ZCCHC7: variants seen among roughly 807,000 people sequenced by gnomAD.
ZCCHC7 encodes the protein zinc finger CCHC domain-containing protein 7.
A neutral mutation model predicts 52.0 loss-of-function variants in ZCCHC7; 35 were observed. The observed-to-expected ratio is 0.67, with a 90% CI of 0.51 to 0.89. ZCCHC7 has a LOEUF of 0.89. ZCCHC7 is among the 40% of genes least tolerant of loss of function. The pLI is 0.00. For missense variants in ZCCHC7, 574 were observed against 649.1 expected (o/e 0.88, Z 1.26); for synonymous variants, 217 against 221.5 (o/e 0.98, Z 0.18).
chr9:37,318,975 A>C (rs1829944563), intron 5 of ZCCHC7, among the ~76,000 whole-genome samples: 1 of 151,792 alleles, frequency 6.6e-6, no homozygotes. Flanking sequence ...AAAATATTCC[A>C]AAATATTTGC....
chr9:37,352,329 C>G (rs1821426085), intron 7 of ZCCHC7, among the ~76,000 whole-genome samples: 1 of 152,094 alleles, frequency 6.6e-6, no homozygotes, highest in African/African-American at 2.4e-5. Flanking sequence ...TGACATTGCC[C>G]TTCCCTAATT....
At chr9:37,267,671 G>A (rs1000313090) in intron 2 of ZCCHC7, among the ~76,000 whole-genome samples, 26 of 145,028 alleles carry the variant, frequency 1.8e-4, no homozygotes, top group African/African-American at 5.9e-4. Flanking sequence ...CCAGCTTCAC[G>A]CCAGTCTCCT....
intron 5 of ZCCHC7, chr9:37,326,274 T>G (rs1830235458): frequency 6.6e-6 from 1 of 152,140 alleles, no homozygotes; most frequent in South Asian, 2.1e-4. Flanking sequence ...ACAAAGTTTG[T>G]GGCTACATTT....
At chr9:37,229,176 A>G (rs1299726378) in intron 2 of ZCCHC7, among the ~76,000 whole-genome samples, 1 of 152,158 alleles carries the variant, frequency 6.6e-6, no homozygotes, top group Non-Finnish European at 1.5e-5. Context: ...TATTACATTG[A>G]TTAATGGCTC....
chr9:37,336,396 T>C (rs1830661500), intron 6 of ZCCHC7, among the ~76,000 whole-genome samples: 1 of 152,236 alleles, frequency 6.6e-6, no homozygotes, highest in East Asian at 1.9e-4. Context: ...CAAAAGAACA[T>C]TACTTCCCCC....
chr9:37,303,668 T>C, intron 3 of ZCCHC7, among the ~76,000 whole-genome samples: 1 of 135,290 alleles, frequency 7.4e-6, no homozygotes, highest in East Asian at 2.0e-4. Flanking sequence ...TTTTTTTTTT[T>C]TTTTTTTTTT....
Position 37,274,873 on chromosome 9 carries a change from A to T in ZCCHC7, c.611-27315A>T, listed in dbSNP as rs1171346387. Among the ~76,000 whole-genome samples, 5 of 151,462 alleles carry T rather than the reference A, an allele frequency of 3.3e-5. No homozygotes were observed. The South Asian group carries it at 1.0e-3, about 32-fold the overall frequency. On this transcript the variant is annotated intron_variant, in intron 2 of 8. Transcript: ENST00000336755. Reference sequence around the variant, plus strand: ...GAGAGATGAATACCAATTTTGTTTTATCCCATTGTCCCAGCACCATTTATT... The same window carrying T: ...GAGAGATGAATACCAATTTTGTTTTTTCCCATTGTCCCAGCACCATTTATT...
intron 2 of ZCCHC7, among the ~76,000 whole-genome samples, chr9:37,240,107 G>T (rs900131074): frequency 3.3e-5 from 5 of 151,982 alleles, no homozygotes; most frequent in Non-Finnish European, 5.9e-5. Context: ...GTCTGTTGTG[G>T]TTGAGGGTTT....
chr9:37,252,504 C>G (rs1826377943), intron 2 of ZCCHC7, among the ~76,000 whole-genome samples: 1 of 152,018 alleles, frequency 6.6e-6, no homozygotes, highest in Non-Finnish European at 1.5e-5. Context: ...CTATTGTCCC[C>G]CGGATATTTT....
At chr9:37,210,424 A>C (rs1824154831) in intron 2 of ZCCHC7, among the ~76,000 whole-genome samples, 1 of 152,228 alleles carries the variant, frequency 6.6e-6, no homozygotes, top group Non-Finnish European at 1.5e-5. Context: ...TTTAGCCCTC[A>C]TACTGTTCAT....
intron 2 of ZCCHC7, among the ~76,000 whole-genome samples, chr9:37,267,200 G>A (rs1228563301): frequency 3.9e-5 from 6 of 152,128 alleles, no homozygotes; most frequent in Non-Finnish European, 7.4e-5. Flanking sequence ...CTGATGACCT[G>A]TTTTGATCCT....
At chr9:37,348,351 T>A (rs199634018) in intron 6 of ZCCHC7, among the ~76,000 whole-genome samples, 1 of 68,526 alleles carries the variant, frequency 1.5e-5, no homozygotes, top group Non-Finnish European at 3.2e-5. Context: ...CAGTTCGTTC[T>A]TTCTTTCTTT....
At chr9:37,264,677 G>A (rs1490843629) in intron 2 of ZCCHC7, among the ~76,000 whole-genome samples, 2 of 152,074 alleles carry the variant, frequency 1.3e-5, no homozygotes, top group African/African-American at 2.4e-5. Flanking sequence ...TACATAATTG[G>A]TTTTGGATAT....
At chr9:37,351,431 G>A (rs1490092661) in intron 7 of ZCCHC7, among the ~76,000 whole-genome samples, 2 of 151,954 alleles carry the variant, frequency 1.3e-5, no homozygotes, top group African/African-American at 4.8e-5. Flanking sequence ...TCAGCCTCTC[G>A]AGTAGCTGGG....
rs773685265 is a variant in ZCCHC7 at position 37,357,035 on chromosome 9, C to T, written c.1399C>T (p.Arg467Cys). The T allele has an allele frequency of 8.7e-6, 14 of 1,613,578 alleles. No homozygotes were observed. The East Asian group carries it at 2.5e-4, about 28-fold the overall frequency. The change falls in exon 9 of 9, where the codon CGT becomes TGT. Residue 467 changes from arginine (R) to cysteine (C), a missense_variant. This residue lies in a region of ZCCHC7 where 168 missense variants were observed against 171.6 expected (regional missense o/e 0.98). Transcript: ENST00000336755. ...GAAGCACAGGAAGGCTGACAGACAT[C>T]GTGAAGTGGATGAGGATTTTCCCAG... The part of the protein sequence containing the change: ...WEKHRKADRH[R>C]EVDEDFPRGP...
At chr9:37,145,648 A>G (rs1351272280) in intron 2 of ZCCHC7, among the ~76,000 whole-genome samples, 1 of 151,936 alleles carries the variant, frequency 6.6e-6, no homozygotes, top group East Asian at 1.9e-4. Flanking sequence ...TAAAAATGCA[A>G]ACTTGCTTGA....
intron 2 of ZCCHC7, among the ~76,000 whole-genome samples, chr9:37,128,786 A>G (rs1003284868): frequency 6.6e-6 from 1 of 152,230 alleles, no homozygotes; most frequent in African/African-American, 2.4e-5. Flanking sequence ...GTGAACTTGT[A>G]GTGAACTCAC....
chr9:37,165,688 A>G (rs191854523), intron 2 of ZCCHC7, among the ~76,000 whole-genome samples: 1 of 152,348 alleles, frequency 6.6e-6, no homozygotes, highest in Admixed American at 6.5e-5. Context: ...GCATTTAGAA[A>G]AAAAGCTGCA....
chr9:37,271,710 T>C (rs1003332263), intron 2 of ZCCHC7, among the ~76,000 whole-genome samples: 1 of 151,930 alleles, frequency 6.6e-6, no homozygotes, highest in Non-Finnish European at 1.5e-5. Context: ...GCTGGGACTG[T>C]GGGGGTGCGC....
Sources: allele counts gnomAD v4.1 joint callset (sites outside exome capture counted in the v4.1 genomes callset), GRCh38; gene constraint gnomAD v4.1.1; regional missense constraint gnomAD v4.1.1; transcripts MANE v1.5; gene names NCBI Gene and HGNC (gene_info 2026-07-23, HGNC 2026-07-21).